Variants in PIK3C2B observed in about 807,000 individuals in gnomAD.
PIK3C2B encodes the protein phosphatidylinositol-4-phosphate 3-kinase catalytic subunit type 2 beta, also known as phosphatidylinositol 4-phosphate 3-kinase C2 domain-containing subunit beta.
In PIK3C2B, 83 loss-of-function variants were observed where a neutral mutation model predicts 184.3. The ratio of observed to expected loss-of-function variants is 0.45; its 90% CI spans 0.38 to 0.54. The LOEUF (loss-of-function observed/expected upper bound fraction) is 0.54, where lower values mean the gene tolerates loss of function less well. PIK3C2B is among the 20% of genes least tolerant of loss of function. PIK3C2B has a pLI of 0.00. For missense variants in PIK3C2B, 1,736 were observed against 2,113.5 expected, an observed-to-expected ratio of 0.82 and a Z score of 3.50; for synonymous variants, 779 against 837.6, an observed-to-expected ratio of 0.93 and a Z score of 1.21.
chr1:204,424,611 C>T lies in PIK3C2B; in HGVS notation c.*241G>A, dbSNP rs1171983712. 1 of 678,272 alleles carries T rather than the reference C, an allele frequency of 1.5e-6. No homozygotes were observed. The highest frequency in any genetic ancestry group is 3.0e-5 in the East Asian group (1 of 33,648). The allele number at this position is 678,272 out of a possible 1,614,324, so 42.0% of individuals were successfully genotyped here. On this transcript the variant is annotated 3_prime_UTR_variant, in exon 33 of 33. Coordinates refer to ENST00000684373, the MANE Select transcript of PIK3C2B (RefSeq NM_001377334.1). ...ACAAGGTAAACTTAAAACTTTGCTG[C>T]AACCTCACAGCCTCCAAGGGGCTGC...
rs757703176 is a variant in PIK3C2B at position 204,434,576 on chromosome 1, G to A, written c.3549C>T (p.Gly1183=). Residue 1183 remains glycine (G), a synonymous_variant, in exon 24 of 33, where the codon GGC becomes GGT. Transcript: ENST00000684373. ...AVENFIYSCA[G]CCVATYVLGI... Reference sequence around the variant, plus strand: ...CCAAGACGTACGTGGCCACGCAGCAGCCAGCGCAGGAGTAGATAAAGTTCT... The same window carrying A: ...CCAAGACGTACGTGGCCACGCAGCAACCAGCGCAGGAGTAGATAAAGTTCT... The A allele has an allele frequency of 1.1e-5, 17 of 1,613,980 alleles. No individual in the cohort carries two copies. Among genetic ancestry groups the A allele is most frequent in the Admixed American group, 1.7e-5 (1 of 60,008 alleles).
At position 204,447,561 on chromosome 1, in the gene PIK3C2B, C is replaced by T. The variant is rs765240876; in HGVS notation, c.2364G>A (p.Ser788=). The T allele has an allele frequency of 1.9e-5, 31 of 1,606,702 alleles. No homozygotes were observed. The Admixed American group carries it at 3.2e-4, about 16-fold the overall frequency. ...GGCTGGTGAACTTGATGTCAAAGGC[C>T]GAGGTGGGGAAGTCAATCTGGGGGA... ...SVILQIDFPT[S]AFDIKFTSPP... is the part of the protein sequence containing the mutation. Residue 788 remains serine, a synonymous_variant, in exon 15 of 33, where the codon TCG becomes TCA. Transcript: ENST00000684373. The surrounding 1 kb of genome is among the most constrained non-coding windows in gnomAD (Gnocchi z 4.1).
chr1:204,442,558 G>C lies in PIK3C2B; in HGVS notation c.3124C>G (p.Pro1042Ala). 3 of 1,555,480 alleles carry C rather than the reference G, an allele frequency of 1.9e-6. No homozygotes were observed. Among genetic ancestry groups the C allele is most frequent in the Non-Finnish European group, 2.6e-6 (3 of 1,149,114 alleles). Reference sequence around the variant, plus strand: ...ACAATTCCCTTAACCAGCAGACTGGGGCTGAGTGGCAAGCGGCACGAGCCA... The same window carrying C: ...ACAATTCCCTTAACCAGCAGACTGGCGCTGAGTGGCAAGCGGCACGAGCCA... ...LNGSCRLPLS[P>A]SLLVKGIVPR... Residue 1042 changes from proline (P) to alanine (A), a missense_variant, in exon 20 of 33, where the codon CCC (proline) becomes GCC (alanine). By Grantham distance (27) the Pro-to-Ala change is conservative. Transcript: ENST00000684373.
intron 2 of PIK3C2B, among the ~76,000 whole-genome samples, chr1:204,467,716 T>C (rs544513912): frequency 6.6e-5 from 10 of 151,256 alleles, no homozygotes; most frequent in African/African-American, 2.4e-4. Flanking sequence ...GTGCCTGTAA[T>C]CCCAGCTACT....
At chr1:204,450,391 A>G (rs2103490159) in intron 12 of PIK3C2B, among the ~76,000 whole-genome samples, 1 of 152,200 alleles carries the variant, frequency 6.6e-6, no homozygotes, top group East Asian at 1.9e-4. Flanking sequence ...ATTTCCGCAG[A>G]GGGTCCGCAA....
At chr1:204,428,916 C>T (rs1428602178) in intron 29 of PIK3C2B, 1 of 455,402 alleles carries the variant, frequency 2.2e-6, no homozygotes, top group Admixed American at 2.4e-5. Context: ...AAGTTTTAAC[C>T]CTAAAAAGTT....
chr1:204,483,530 C>T (rs1407594420), intron 1 of PIK3C2B, among the ~76,000 whole-genome samples: 1 of 152,138 alleles, frequency 6.6e-6, no homozygotes, highest in African/African-American at 2.4e-5. Flanking sequence ...GCCTGGGGAA[C>T]AAGAGCAACG....
intron 18 of PIK3C2B, 123 bp from the exon 19 acceptor site, chr1:204,443,720 A>G: frequency 1.2e-6 from 1 of 830,544 alleles, no homozygotes; most frequent in East Asian, 2.5e-5. Flanking sequence ...TGGGAGGGAA[A>G]ATACATTCTG....
At chr1:204,443,142 T>G (rs1675766276) in intron 19 of PIK3C2B, among the ~76,000 whole-genome samples, 1 of 152,204 alleles carries the variant, frequency 6.6e-6, no homozygotes, top group African/African-American at 2.4e-5. Flanking sequence ...TCTGGCTGAG[T>G]GCTCTTGTGC....
At chr1:204,463,372 C>T (rs975668312) in intron 5 of PIK3C2B, among the ~76,000 whole-genome samples, 2 of 98,536 alleles carry the variant, frequency 2.0e-5, no homozygotes, top group Non-Finnish European at 4.4e-5. Flanking sequence ...GCCCCTGCCT[C>T]TCTTCCACTG....
intron 28 of PIK3C2B, 146 bp downstream of exon 28, chr1:204,431,523 T>A (rs1675056003): frequency 1.0e-6 from 1 of 991,754 alleles, no homozygotes; most frequent in Admixed American, 2.0e-5. Context: ...GCACTTGTCA[T>A]CAAACTCCAT....
Position 204,433,304 on chromosome 1 carries a change from G to C in PIK3C2B, c.3953+12C>G. On this transcript the variant is annotated intron_variant, in intron 26 of 32. Transcript: ENST00000684373. The surrounding 1 kb of genome is among the most constrained non-coding windows in gnomAD (Gnocchi z 5.0). The stretch of plus-strand genomic sequence containing the variant: ...GGTGGGCAGTGCTGATTCGCTCAGG[G>C]AATCATTTTACCTAGTGAAGTAGGT... The C allele has an allele frequency of 1.4e-6, 2 of 1,402,434 alleles. No homozygotes were observed. Among genetic ancestry groups the C allele is most frequent in the African/African-American group, 2.8e-5 (2 of 70,824 alleles). 86.9% of individuals were successfully genotyped at this position (1,402,434 alleles called of 1,614,324 possible).
chr1:204,468,021 T>A (rs1223983954), intron 2 of PIK3C2B, among the ~76,000 whole-genome samples: 1 of 152,146 alleles, frequency 6.6e-6, no homozygotes, highest in Admixed American at 6.5e-5. Flanking sequence ...GCCTGGGGGC[T>A]TTGACCTAGA....
chr1:204,456,115 T>C (rs1431440899), intron 10 of PIK3C2B, 64 bp from the exon 11 acceptor site: 31 of 1,387,658 alleles, frequency 2.2e-5, no homozygotes, highest in Non-Finnish European at 2.8e-5. Flanking sequence ...CTTGTTGCCA[T>C]GGCATTGGCT....
rs1412851857 is a variant in PIK3C2B, at chr1:204,446,019, T to C, written c.2615A>G (p.Tyr872Cys). The C allele has an allele frequency of 2.5e-6, 4 of 1,603,472 alleles. No homozygotes were observed. Among genetic ancestry groups the C allele is most frequent in the Admixed American group, 1.7e-5 (1 of 59,332 alleles). ...GTGGGTCCACTGCTTCAGGAGAACA[T>C]AGATGTCAGGCAGGCAAGCCCACTC... ...SWEWACLPDI[Y>C]VLLKQWTHMN... Residue 872 changes from tyrosine (Y) to cysteine (C), a missense_variant, in exon 16 of 33, where the codon TAT becomes TGT. Transcript: ENST00000684373.
intron 1 of PIK3C2B, among the ~76,000 whole-genome samples, chr1:204,479,071 C>T (rs1273599171): frequency 6.6e-6 from 1 of 152,234 alleles, no homozygotes; most frequent in Non-Finnish European, 1.5e-5. Flanking sequence ...CCTCTAAAAA[C>T]TTTCCTTCCT....
chr1:204,481,176 C>T (rs1657108698), intron 1 of PIK3C2B, among the ~76,000 whole-genome samples: 1 of 151,894 alleles, frequency 6.6e-6, no homozygotes, highest in Non-Finnish European at 1.5e-5. Context: ...ACCCTACTCT[C>T]CCCCGACACA....
intron 3 of PIK3C2B, 48 bp downstream of exon 3, chr1:204,465,171 C>A: frequency 2.5e-6 from 2 of 815,762 alleles, no homozygotes; most frequent in South Asian, 2.7e-5. Context: ...GCCCCCCTCC[C>A]CATCCCCCAT....
Position 204,460,532 on chromosome 1 carries a change from C to T in PIK3C2B, c.1422+18G>A. ...ACCTCCCCAGCCCTGGGCAACCCTCCACCACCCTCACACGAACCGTCCGGG... is the reference window on the plus strand; with the variant it reads ...ACCTCCCCAGCCCTGGGCAACCCTCTACCACCCTCACACGAACCGTCCGGG... On this transcript the variant is annotated intron_variant, in intron 6 of 32. Coordinates refer to ENST00000684373, the MANE Select transcript of PIK3C2B (RefSeq NM_001377334.1). The T allele has an allele frequency of 6.2e-7, 1 of 1,602,918 alleles. No homozygotes were observed. The highest frequency in any genetic ancestry group is 1.1e-5 in the South Asian group (1 of 90,832).
Sources: gnomAD v4.1 joint callset for allele counts (sites outside exome capture counted in the v4.1 genomes callset) on GRCh38, gnomAD v4.1.1 for gene constraint, Gnocchi (gnomAD v3.1) non-coding constraint, MANE v1.5 for transcripts, NCBI Gene and HGNC (gene_info 2026-07-23, HGNC 2026-07-21) for gene names.